The following PAFAH1B1 variants were observed in gnomAD, a reference collection of about 807,000 sequenced individuals.
PAFAH1B1 encodes the protein platelet-activating factor acetylhydrolase IB subunit beta.
PAFAH1B1 carries 2 observed loss-of-function variants against 57.5 expected under a neutral mutation model. That is an observed-to-expected ratio of 0.03 (90% CI 0.01 to 0.11). The LOEUF is 0.11. Among genes scored for constraint, PAFAH1B1 ranks in the 10% least tolerant of loss-of-function variants. The pLI is 1.00. For missense variants in PAFAH1B1, 257 were observed against 512.0 expected (o/e 0.50, Z 4.81); for synonymous variants, 152 against 169.6 (o/e 0.90, Z 0.81).
intron 6 of PAFAH1B1, among the ~76,000 whole-genome samples, chr17:2,671,814 G>A (rs1223239603): frequency 1.3e-5 from 2 of 151,814 alleles, no homozygotes; most frequent in South Asian, 2.1e-4. Context: ...TATTGGCCAG[G>A]CTGGTCTTGA....
chr17:2,623,261 CTTTTT>C (rs376810275), intron 1 of PAFAH1B1, among the ~76,000 whole-genome samples: 2 of 103,984 alleles, frequency 1.9e-5, no homozygotes, highest in Non-Finnish European at 3.7e-5. Flanking sequence ...TTTTTCCTTT[CTTTTT>C]TTTTTTTTTT....
At chr17:2,679,996 C>T (rs1597580792) in intron 9 of PAFAH1B1, 168 bp from the exon 10 acceptor site, 2 of 671,980 alleles carry the variant, frequency 3.0e-6, no homozygotes, top group East Asian at 2.6e-5. Context: ...TATATTCACT[C>T]CTCATGTCTT....
At position 2,684,885 on chromosome 17, in the gene PAFAH1B1, G is replaced by C. The variant is rs1465186806; in HGVS notation, c.*3083G>C. 1 of 152,364 alleles carries C rather than the reference G, an allele frequency of 6.6e-6. No homozygotes were observed. The highest frequency in any genetic ancestry group is 1.5e-5 in the Non-Finnish European group (1 of 68,026). 9.4% of individuals were successfully genotyped at this position (152,364 alleles called of 1,614,324 possible). On this transcript the variant is annotated 3_prime_UTR_variant, in exon 11 of 11. Transcript: ENST00000397195. ...CTCCCGTTCGCCTCTTTCTGTTTCTGTGTGAACTTTCCCGGTAATATCACT... is the reference window on the plus strand; with the variant it reads ...CTCCCGTTCGCCTCTTTCTGTTTCTCTGTGAACTTTCCCGGTAATATCACT...
chr17:2,680,085 T>C, intron 9 of PAFAH1B1, 79 bp from the exon 10 acceptor site: 2 of 1,251,558 alleles, frequency 1.6e-6, no homozygotes, highest in South Asian at 2.4e-5. Context: ...TTGGTATGTA[T>C]AGTTTTATCG....
chr17:2,653,060 T>C (rs1372036454), intron 2 of PAFAH1B1, among the ~76,000 whole-genome samples: 1 of 152,194 alleles, frequency 6.6e-6, no homozygotes, highest in Non-Finnish European at 1.5e-5. Context: ...GAAAATGTGG[T>C]ACATATACAT....
chr17:2,608,069 A>G (rs1308172483), intron 1 of PAFAH1B1, among the ~76,000 whole-genome samples: 1 of 151,932 alleles, frequency 6.6e-6, no homozygotes, highest in Non-Finnish European at 1.5e-5. Flanking sequence ...TTTCTTATAT[A>G]TGATACCATA....
chr17:2,666,832 A>G (rs1284948394), intron 4 of PAFAH1B1, among the ~76,000 whole-genome samples, 160 bp from the exon 5 acceptor site: 1 of 152,216 alleles, frequency 6.6e-6, no homozygotes, highest in Non-Finnish European at 1.5e-5. Context: ...GCTGTACAAA[A>G]TAAATAATTT....
intron 1 of PAFAH1B1, among the ~76,000 whole-genome samples, chr17:2,623,774 A>G (rs9908610): frequency 0.051 from 7,370 of 144,932 alleles, 272 homozygotes; most frequent in Middle Eastern, 0.085. Flanking sequence ...TCCCAGCCAC[A>G]GTAGCTGGGA....
At chr17:2,609,900 C>CTGTA (rs1191208891) in intron 1 of PAFAH1B1, among the ~76,000 whole-genome samples, 2 of 152,222 alleles carry the variant, frequency 1.3e-5, no homozygotes, top group African/African-American at 4.8e-5. Flanking sequence ...TCTCGGCTCA[C>CTGTA]TGTAGCCTTT....
chr17:2,621,993 C>G (rs553967765), intron 1 of PAFAH1B1, among the ~76,000 whole-genome samples: 1 of 152,004 alleles, frequency 6.6e-6, no homozygotes, highest in African/African-American at 2.4e-5. Context: ...GAAGCAAAAC[C>G]AGAAACAAGA....
chr17:2,657,824 A>G (rs1013055941), intron 2 of PAFAH1B1, among the ~76,000 whole-genome samples: 1 of 152,108 alleles, frequency 6.6e-6, no homozygotes. Context: ...ACCTTCTTTT[A>G]TATTCCTTGG....
chr17:2,649,418 C>G (rs1023062332), intron 2 of PAFAH1B1, among the ~76,000 whole-genome samples: 6 of 151,672 alleles, frequency 4.0e-5, no homozygotes, highest in Admixed American at 3.3e-4. Context: ...ACTAAAAATA[C>G]AAAAATCTAG....
intron 1 of PAFAH1B1, among the ~76,000 whole-genome samples, chr17:2,603,091 T>G (rs2068164266): frequency 6.6e-6 from 1 of 152,262 alleles, no homozygotes; most frequent in Non-Finnish European, 1.5e-5. Flanking sequence ...ATTCTACTCC[T>G]GCTGTCCTCT....
chr17:2,676,618 T>C lies in PAFAH1B1; in HGVS notation c.1002+12T>C, dbSNP rs745730592. 1.4e-6 allele frequency: 2 copies of C among 1,465,202 alleles called. No homozygotes were observed. Among genetic ancestry groups the C allele is most frequent in the Middle Eastern group, 1.7e-4 (1 of 5,830 alleles). 90.8% of individuals were successfully genotyped at this position (1,465,202 alleles called of 1,614,324 possible). A position where few individuals can be genotyped will look rare whatever the true frequency, so the allele number is the denominator to read the frequency against. On this transcript the variant is annotated intron_variant, in intron 9 of 10. Transcript: ENST00000397195. ...GCCTTATGACCCTCGTAAGTTTGCA[T>C]AATCTTACCATTTCTTTTGCATCTT...
intron 1 of PAFAH1B1, among the ~76,000 whole-genome samples, chr17:2,633,013 A>G (rs531060915): frequency 3.9e-5 from 6 of 152,254 alleles, no homozygotes; most frequent in South Asian, 2.1e-4. Context: ...CACTACACCA[A>G]TATAAACTGT....
chr17:2,642,523 C>T (rs532165648), intron 2 of PAFAH1B1: 5 of 152,270 alleles, frequency 3.3e-5, no homozygotes, highest in South Asian at 2.1e-4. Context: ...CGAGATACCT[C>T]GTTAGATACA....
intron 9 of PAFAH1B1, 23 bp from the exon 10 acceptor site, chr17:2,680,141 C>A: frequency 6.2e-7 from 1 of 1,611,814 alleles, no homozygotes; most frequent in South Asian, 1.1e-5. Context: ...TTTACTGAGT[C>A]AAATAACTTT....
At chr17:2,644,702 G>T (rs1189808427) in intron 2 of PAFAH1B1, among the ~76,000 whole-genome samples, 1 of 152,046 alleles carries the variant, frequency 6.6e-6, no homozygotes, top group Non-Finnish European at 1.5e-5. Context: ...CTGCATATGT[G>T]TACCTTTGTA....
At chr17:2,601,221 G>C (rs1567522293) in intron 1 of PAFAH1B1, among the ~76,000 whole-genome samples, 1 of 151,986 alleles carries the variant, frequency 6.6e-6, no homozygotes, top group Non-Finnish European at 1.5e-5. Flanking sequence ...TGCAGCCTCC[G>C]CCTTTTGGGT....
Sources: allele counts gnomAD v4.1 joint callset (sites outside exome capture counted in the v4.1 genomes callset), GRCh38; gene constraint gnomAD v4.1.1; transcripts MANE v1.5; gene names NCBI Gene and HGNC (gene_info 2026-07-23, HGNC 2026-07-21).